NEK1: variants seen among roughly 807,000 people sequenced by gnomAD.
NEK1 encodes the protein NIMA related kinase 1, also known as serine/threonine-protein kinase Nek1.
In NEK1, 137 loss-of-function variants were observed where a neutral mutation model predicts 182.1. The ratio of observed to expected loss-of-function variants is 0.75; its 90% CI spans 0.65 to 0.87. NEK1 has a LOEUF of 0.87. Among genes scored for constraint, NEK1 ranks in the 40% least tolerant of loss-of-function variants. The pLI is 0.00. For synonymous variants in NEK1, 513 were observed against 492.2 expected (o/e 1.04, Z -0.56); for missense variants, 1,391 against 1,494.4 (o/e 0.93, Z 1.14).
intron 2 of NEK1, 48 bp downstream of exon 2, chr4:169,611,972 T>A (rs184878314): frequency 2.0e-5 from 3 of 152,230 alleles, no homozygotes; most frequent in Admixed American, 6.5e-5. Context: ...ATTTCCAGGA[T>A]GATTTTTACC....
intron 10 of NEK1, among the ~76,000 whole-genome samples, chr4:169,581,564 T>G (rs1257395643): frequency 6.6e-6 from 1 of 152,172 alleles, no homozygotes; most frequent in African/African-American, 2.4e-5. Context: ...GGATTAAAGG[T>G]ATGTGCCACC....
chr4:169,442,086 C>A (rs973971416), intron 27 of NEK1, among the ~76,000 whole-genome samples: 13 of 152,146 alleles, frequency 8.5e-5, no homozygotes, highest in African/African-American at 3.1e-4. Flanking sequence ...ACTAGCCCTG[C>A]CCACCTGGCC....
At chr4:169,427,281 C>G (rs1313040221) in intron 29 of NEK1, among the ~76,000 whole-genome samples, 1 of 151,884 alleles carries the variant, frequency 6.6e-6, no homozygotes, top group African/African-American at 2.4e-5. Flanking sequence ...AGCCCGCCAC[C>G]ATGCCCGGCT....
intron 35 of NEK1, among the ~76,000 whole-genome samples, chr4:169,399,579 A>AC (rs372209728): frequency 9.5e-6 from 1 of 105,278 alleles, no homozygotes; most frequent in East Asian, 4.6e-4. Context: ...CTCAAAAAAA[A>AC]CAAAAAAAAA....
chr4:169,426,569 CTT>C (rs1165454429), intron 29 of NEK1, among the ~76,000 whole-genome samples: 1 of 152,166 alleles, frequency 6.6e-6, no homozygotes, highest in Non-Finnish European at 1.5e-5. Context: ...GAATCAGAAA[CTT>C]TGGGGGATAA....
intron 26 of NEK1, among the ~76,000 whole-genome samples, chr4:169,474,245 G>C (rs966683892): frequency 3.9e-5 from 6 of 152,192 alleles, no homozygotes; most frequent in Admixed American, 2.6e-4. Flanking sequence ...CATAAACCAA[G>C]AGAGAGGAGA....
At position 169,567,371 on chromosome 4, in the gene NEK1, GTT is replaced by G. The variant is rs746264930; in HGVS notation, c.1021-5177_1021-5176del. On this transcript the variant is annotated intron_variant, in intron 12 of 35. Coordinates refer to ENST00000507142, the MANE Select transcript of NEK1 (RefSeq NM_001199397.3). Reference sequence around the variant, plus strand: ...TGGCATTAAATACTTTCACATTGTTGTTCACAGAAACTTAGTTTTAAGTGAAA... The same window carrying G: ...TGGCATTAAATACTTTCACATTGTTGCACAGAAACTTAGTTTTAAGTGAAA... Among the ~76,000 whole-genome samples the G allele has an allele frequency of 7.3e-4, 109 of 148,898 alleles. 2 individuals are homozygous for G. Among genetic ancestry groups the G allele is most frequent in the Middle Eastern group, 3.4e-3 (1 of 290 alleles).
chr4:169,474,390 A>G (rs1746577798), intron 26 of NEK1, among the ~76,000 whole-genome samples: 1 of 152,228 alleles, frequency 6.6e-6, no homozygotes, highest in Admixed American at 6.5e-5. Context: ...CTCTTTTTAC[A>G]CAAGGTTACA....
At chr4:169,410,444 GC>G (rs1464159295) in intron 31 of NEK1, among the ~76,000 whole-genome samples, 1 of 152,054 alleles carries the variant, frequency 6.6e-6, no homozygotes, top group Non-Finnish European at 1.5e-5. Flanking sequence ...CACTCTTTGA[GC>G]TCCAGTATTT....
Position 169,419,385 on chromosome 4 carries a change from G to A in NEK1, c.3222+5168C>T, listed in dbSNP as rs1316262318. ...GGCTGTGTAAGAAGTGTTAATGGAA[G>A]TTCTTAAAGTGGAAGAAAAAGAATA... On this transcript the variant is annotated intron_variant, in intron 31 of 35. Transcript: ENST00000507142. Among the ~76,000 whole-genome samples, 4 of 151,872 alleles carry A rather than the reference G, an allele frequency of 2.6e-5. No individual in the cohort carries two copies. In the East Asian group the frequency reaches 7.7e-4, roughly 29 times the overall value.
intron 23 of NEK1, among the ~76,000 whole-genome samples, chr4:169,500,676 C>G (rs996599701): frequency 2.0e-5 from 3 of 152,124 alleles, no homozygotes; most frequent in Non-Finnish European, 4.4e-5. Context: ...GCTTCATAAA[C>G]AAAGGAGAAA....
chr4:169,593,046 C>T (rs72692988), intron 5 of NEK1, among the ~76,000 whole-genome samples: 13,533 of 151,798 alleles, frequency 0.089, 779 homozygotes, highest in African/African-American at 0.16. Context: ...ATTTCACAGA[C>T]AGTGTTCTTC....
chr4:169,552,947 C>T (rs1761644354), intron 18 of NEK1, among the ~76,000 whole-genome samples: 1 of 152,086 alleles, frequency 6.6e-6, no homozygotes, highest in South Asian at 2.1e-4. Flanking sequence ...TATTTCAGGT[C>T]TAACATGAAG....
chr4:169,429,250 T>C (rs1215420806), intron 29 of NEK1, among the ~76,000 whole-genome samples: 2 of 152,188 alleles, frequency 1.3e-5, no homozygotes, highest in African/African-American at 4.8e-5. Flanking sequence ...TTTAGCTATC[T>C]CCTTATTAAT....
chr4:169,538,217 C>T (rs756762317), intron 18 of NEK1, among the ~76,000 whole-genome samples: 8 of 152,070 alleles, frequency 5.3e-5, no homozygotes, highest in Middle Eastern at 3.4e-3. Flanking sequence ...CACTTAATTA[C>T]GGAAGAATCT....
intron 27 of NEK1, among the ~76,000 whole-genome samples, chr4:169,457,243 G>A (rs534728589): frequency 6.6e-6 from 1 of 152,154 alleles, no homozygotes; most frequent in African/African-American, 2.4e-5. Flanking sequence ...ACAAAGAAAG[G>A]ATAAATGCTT....
intron 19 of NEK1, among the ~76,000 whole-genome samples, chr4:169,527,993 C>T (rs1757138242): frequency 6.6e-6 from 1 of 151,990 alleles, no homozygotes; most frequent in Non-Finnish European, 1.5e-5. Context: ...ACAAGATATA[C>T]CACACAAACA....
rs370086259 is a variant in NEK1, at chr4:169,477,187, C to G, written c.2371G>C (p.Gly791Arg). 1 of 1,608,660 alleles carries G rather than the reference C, an allele frequency of 6.2e-7. No homozygotes were observed. The highest frequency in any genetic ancestry group is 1.7e-5 in the Admixed American group (1 of 59,364). ...TCCAGAGGAATCACAAGTTGACCTC[C>G]TGCCTCCCACTTCTTGCGATCAGAT... ...VSSDRKKWEAGGQLVIPLDEL... is the reference protein window; with the variant it reads ...VSSDRKKWEARGQLVIPLDEL... The change falls in exon 26 of 36, where the codon GGA (glycine) becomes CGA (arginine). Residue 791 changes from glycine to arginine, a missense_variant. Physicochemically the swap from Gly to Arg is moderately radical, Grantham distance 125 (BLOSUM62 -2). Transcript: ENST00000507142.
chr4:169,499,593 T>C (rs1412530786), intron 23 of NEK1, among the ~76,000 whole-genome samples: 2 of 150,022 alleles, frequency 1.3e-5, no homozygotes, highest in Non-Finnish European at 2.9e-5. Context: ...GTGGGTGTTC[T>C]TTCTGTTTGT....
Sources: gnomAD v4.1 joint callset for allele counts (sites outside exome capture counted in the v4.1 genomes callset) on GRCh38, gnomAD v4.1.1 for gene constraint, MANE v1.5 for transcripts, NCBI Gene and HGNC (gene_info 2026-07-23, HGNC 2026-07-21) for gene names.